GSN: variants seen among roughly 807,000 people sequenced by gnomAD.
The protein encoded by GSN is gelsolin.
In GSN, 56 loss-of-function variants were observed where a neutral mutation model predicts 85.7. That is an observed-to-expected ratio of 0.65 (90% confidence interval 0.53 to 0.82). The LOEUF is 0.82. Ranked by LOEUF, GSN falls within the 40% of genes least tolerant of loss-of-function variation. The pLI, the probability that GSN is intolerant of heterozygous loss-of-function variation, is 0.00. For synonymous variants in GSN, 373 were observed against 399.1 expected (o/e 0.93, Z 0.78); for missense variants, 857 against 979.8 (o/e 0.87, Z 1.67).
intron 14 of GSN, 21 bp downstream of exon 14, chr9:121,327,503 C>T (rs1214071482): frequency 4.5e-6 from 7 of 1,542,668 alleles, no homozygotes; most frequent in South Asian, 3.6e-5. Context: ...GGGTGGGGGG[C>T]CTGCTGCTGT....
At chr9:121,202,208 T>C in the GSN span, among the ~76,000 whole-genome samples, 6 of 152,250 alleles carry the variant, frequency 3.9e-5, no homozygotes, top group African/African-American at 1.4e-4. Context: ...TCGTGGAGAC[T>C]TTTGAACAAT....
At chr9:121,323,389 T>TTTTTTTTA (rs1554822114) in intron 11 of GSN, among the ~76,000 whole-genome samples, 2 of 149,976 alleles carry the variant, frequency 1.3e-5, no homozygotes, top group Non-Finnish European at 1.5e-5. Flanking sequence ...TTTTTTTTTT[T>TTTTTTTTA]AGACAGAGTC....
At chr9:121,211,177 G>A (rs1013452720) in intron 4 of GSN, among the ~76,000 whole-genome samples, 5 of 152,204 alleles carry the variant, frequency 3.3e-5, no homozygotes, top group African/African-American at 4.8e-5. Context: ...GTAGAGGAAT[G>A]GGGAGGTATT....
rs535212455 is a variant in GSN, at chr9:121,299,013, G to A, written c.-9-2950G>A. ...CAAAACAACTTCAGGAAGTAACAAG[G>A]GCTTGCTTAGAGACATGACGGTAAA... On this transcript the variant is annotated intron_variant, in intron 2 of 17. Transcript: ENST00000432226. The surrounding 1 kb of genome is among the most constrained non-coding windows in gnomAD (Gnocchi z 4.2). Among the ~76,000 whole-genome samples the A allele has an allele frequency of 6.6e-6, 1 of 152,222 alleles. No individual in the cohort carries two copies. The highest frequency in any genetic ancestry group is 2.1e-4 in the South Asian group (1 of 4,822).
At chr9:121,250,407 T>C (rs976300588) in intron 6 of GSN, among the ~76,000 whole-genome samples, 2 of 152,156 alleles carry the variant, frequency 1.3e-5, no homozygotes, top group South Asian at 4.1e-4. Flanking sequence ...GGTTTCACCA[T>C]GTTGGCCAGG....
intron 5 of GSN, among the ~76,000 whole-genome samples, chr9:121,247,280 A>G (rs1446050345): frequency 6.6e-6 from 1 of 152,184 alleles, no homozygotes; most frequent in Non-Finnish European, 1.5e-5. Context: ...AAGAAAGGCT[A>G]TATCAGTGCT....
At chr9:121,239,396 C>G (rs1402857505) in intron 5 of GSN, 2 of 432,746 alleles carry the variant, frequency 4.6e-6, no homozygotes, top group Non-Finnish European at 9.0e-6. Context: ...TCTTCAAAAC[C>G]AGATTTGAAG....
At chr9:121,297,888 T>C (rs537080400) in intron 2 of GSN, 2 of 152,328 alleles carry the variant, frequency 1.3e-5, no homozygotes, top group East Asian at 3.9e-4. Flanking sequence ...GTTGTGTGTT[T>C]TGAGTTTGGA....
chr9:121,241,783 TGAA>T lies in GSN; in HGVS notation c.-388-6491_-388-6489del, dbSNP rs572831985. On this transcript the variant is annotated intron_variant, in intron 5 of 24. Coordinates refer to the GSN transcript ENST00000373823. ...ATGATTTGTAAATATTTGATTCCTG[TGAA>T]GGAGAGAAAAAAGCTAATGCAAGCT... is the stretch of plus-strand genomic sequence containing the variant. 8.5e-4 allele frequency among the ~76,000 whole-genome samples: 129 copies of T among 152,308 alleles called. 1 individual carries two copies. The highest frequency in any genetic ancestry group is 1.0e-3 in the South Asian group (5 of 4,830).
At chr9:121,204,248 T>C (rs550300737), upstream of GSN, among the ~76,000 whole-genome samples, 1 of 152,372 alleles carries the variant, frequency 6.6e-6, no homozygotes, top group South Asian at 2.1e-4. Context: ...CTGAGTGTCA[T>C]ACAGATCTAA....
At chr9:121,244,331 C>T (rs1337550061) in intron 5 of GSN, among the ~76,000 whole-genome samples, 1 of 152,188 alleles carries the variant, frequency 6.6e-6, no homozygotes, top group Non-Finnish European at 1.5e-5. Context: ...AATATGTTTT[C>T]ATGTCTCTTG....
chr9:121,311,259 A>T, intron 5 of GSN: 1 of 279,974 alleles, frequency 3.6e-6, no homozygotes, highest in Non-Finnish European at 7.0e-6. Context: ...GTAGTTGCAC[A>T]TGCCCATGAT....
upstream of GSN, among the ~76,000 whole-genome samples, chr9:121,207,179 GA>G (rs1205043900): frequency 2.0e-5 from 3 of 152,206 alleles, no homozygotes; most frequent in Admixed American, 2.0e-4. Flanking sequence ...GTGCTGTTGA[GA>G]ACTGAGATTT....
chr9:121,275,411 T>C (rs1470950307), intron 1 of GSN, among the ~76,000 whole-genome samples: 1 of 152,220 alleles, frequency 6.6e-6, no homozygotes, highest in African/African-American at 2.4e-5. Context: ...GAATTTGTAT[T>C]ATCTCATCTG....
chr9:121,298,948 C>T (rs1037974911), intron 2 of GSN, among the ~76,000 whole-genome samples: 2 of 152,214 alleles, frequency 1.3e-5, no homozygotes, highest in Middle Eastern at 3.4e-3. Flanking sequence ...CTGTCTTCCC[C>T]CAGGGGAGTC....
intron 2 of GSN, among the ~76,000 whole-genome samples, chr9:121,296,440 A>G (rs2133047393): frequency 6.6e-6 from 1 of 152,208 alleles, no homozygotes; most frequent in Non-Finnish European, 1.5e-5. Context: ...GGCCGAATGT[A>G]CCCATTTTAC....
Position 121,332,708 on chromosome 9 carries a change from G to T in GSN, c.*105G>T, listed in dbSNP as rs1488398937. On this transcript the variant is annotated 3_prime_UTR_variant, in exon 18 of 18. Coordinates refer to ENST00000432226, the MANE Select transcript of GSN (RefSeq NM_198252.3). The surrounding 1 kb of genome is among the most constrained non-coding windows in gnomAD (Gnocchi z 4.8). ...GAGCAGCTCTGCTATGAGTGTGTGT[G>T]TGTGTGTGTGTTGTTTCTTTTTTTT... 7 of 761,072 alleles carry T rather than the reference G, an allele frequency of 9.2e-6. No individual in the cohort carries two copies. The highest frequency in any genetic ancestry group is 1.5e-5 in the Non-Finnish European group (7 of 471,946). 47.1% of individuals were successfully genotyped at this position (761,072 alleles called of 1,614,324 possible).
At chr9:121,256,049 G>A (rs1198041570) in intron 6 of GSN, among the ~76,000 whole-genome samples, 8 of 150,454 alleles carry the variant, frequency 5.3e-5, no homozygotes, top group African/African-American at 1.7e-4. Flanking sequence ...GTGAGTTCTC[G>A]GTAAAGTGGG....
Position 121,286,269 on chromosome 9 carries a change from T to C in GSN, c.-10+4707T>C, listed in dbSNP as rs1003170047. Reference sequence around the variant, plus strand: ...GAGACCCGAGGGAAAGTCCCGCTCCTGACTCCTAGTTCAACACCAGCCAGG... The same window carrying C: ...GAGACCCGAGGGAAAGTCCCGCTCCCGACTCCTAGTTCAACACCAGCCAGG... On this transcript the variant is annotated intron_variant, in intron 2 of 17. Coordinates refer to ENST00000432226, the MANE Select transcript of GSN (RefSeq NM_198252.3). The C allele has an allele frequency of 1.7e-5, 15 of 871,214 alleles. No individual in the cohort carries two copies. In the Admixed American group the frequency reaches 3.4e-4, roughly 20 times the overall value. 54.0% of individuals were successfully genotyped at this position (871,214 alleles called of 1,614,324 possible).
Sources: gnomAD v4.1 joint callset for allele counts (sites outside exome capture counted in the v4.1 genomes callset) on GRCh38, gnomAD v4.1.1 for gene constraint, Gnocchi (gnomAD v3.1) non-coding constraint, MANE v1.5 for transcripts, NCBI Gene and HGNC (gene_info 2026-07-23, HGNC 2026-07-21) for gene names.